The following CNNM1 variants were observed in gnomAD, a reference collection of about 807,000 sequenced individuals.
The protein encoded by CNNM1 is cyclin and CBS domain divalent metal cation transport mediator 1.
Under a neutral mutation model 78.8 loss-of-function variants are expected in CNNM1, and 44 were observed. The ratio of observed to expected loss-of-function variants is 0.56; its 90% CI spans 0.44 to 0.72. The LOEUF (loss-of-function observed/expected upper bound fraction) is 0.72, where lower values mean the gene tolerates loss of function less well. CNNM1 is among the 30% of genes least tolerant of loss of function. The probability of loss-of-function intolerance (pLI) is 0.00; values close to 1 mark genes in which losing one functional copy is unlikely to be tolerated. For missense variants in CNNM1, 1,101 were observed against 1,292.2 expected, an observed-to-expected ratio of 0.85 and a Z score of 2.27; for synonymous variants, 584 against 581.5, an observed-to-expected ratio of 1.00 and a Z score of -0.06.
At chr10:99,341,607 G>A (rs2030462277) in intron 1 of CNNM1, among the ~76,000 whole-genome samples, 10 of 152,118 alleles carry the variant, frequency 6.6e-5, no homozygotes, top group Admixed American at 6.6e-4. Flanking sequence ...CCTTAAAGAA[G>A]GAGAAGGACC....
Position 99,329,922 on chromosome 10 carries a change from G to A in CNNM1, c.535G>A (p.Gly179Ser). ...CGAAGCGGAGCGGGGCGGCGCGGGC[G>A]GTGGCGGGAAGCTCTTTTCACTCTG... is the stretch of plus-strand genomic sequence containing the variant. ...KGEAERGGAG[G>S]GGKLFSLCAW... The change falls in exon 1 of 11, where the codon GGT becomes AGT. Residue 179 changes from glycine to serine, a missense_variant. Physicochemically the swap from Gly to Ser is moderately conservative, Grantham distance 56. This residue lies in a region of CNNM1 where 476 missense variants were observed against 484.5 expected (regional missense o/e 0.98). Coordinates refer to ENST00000356713, the MANE Select transcript of CNNM1 (RefSeq NM_020348.3). 1 of 1,382,918 alleles carries A rather than the reference G, an allele frequency of 7.2e-7. No homozygotes were observed. Among genetic ancestry groups the A allele is most frequent in the Non-Finnish European group, 9.3e-7 (1 of 1,076,430 alleles). 85.7% of individuals were successfully genotyped at this position (1,382,918 alleles called of 1,614,324 possible). A position where few individuals can be genotyped will look rare whatever the true frequency, so the allele number is the denominator to read the frequency against.
rs547073655 is a variant in CNNM1, at chr10:99,372,752, A to G, written c.2177-4303A>G. On this transcript the variant is annotated intron_variant, in intron 6 of 10. Coordinates refer to ENST00000356713, the MANE Select transcript of CNNM1 (RefSeq NM_020348.3). ...CAAAATGCCAAGTCATCAGCATCCA[A>G]CCTACTAAGGAATGTCAGACTCCAG... Among the ~76,000 whole-genome samples, 12 of 152,130 alleles carry G rather than the reference A, an allele frequency of 7.9e-5. No individual in the cohort carries two copies. The East Asian group carries it at 2.3e-3, about 29-fold the overall frequency.
At chr10:99,374,222 G>A (rs554547822) in intron 6 of CNNM1, among the ~76,000 whole-genome samples, 18 of 152,266 alleles carry the variant, frequency 1.2e-4, no homozygotes, top group African/African-American at 4.3e-4. Context: ...TTACCTTGGT[G>A]CTTCATGTTG....
chr10:99,360,239 C>A (rs1388357435), intron 2 of CNNM1, among the ~76,000 whole-genome samples: 1 of 152,152 alleles, frequency 6.6e-6, no homozygotes, highest in Non-Finnish European at 1.5e-5. Flanking sequence ...GGTGGCCGCC[C>A]TCCTTCCTTG....
chr10:99,383,671 A>G (rs2032223020), intron 7 of CNNM1, among the ~76,000 whole-genome samples: 1 of 152,218 alleles, frequency 6.6e-6, no homozygotes, highest in South Asian at 2.1e-4. Flanking sequence ...TTAAACAGGT[A>G]TGGAAGGCAA....
At chr10:99,356,451 G>T (rs2031149744) in intron 1 of CNNM1, among the ~76,000 whole-genome samples, 1 of 150,410 alleles carries the variant, frequency 6.6e-6, no homozygotes, top group Non-Finnish European at 1.5e-5. Flanking sequence ...ACTCCAGCCT[G>T]GCGACAGAGA....
At position 99,382,892 on chromosome 10, in the gene CNNM1, G is replaced by C. The variant is rs78107293; in HGVS notation, c.2341-4928G>C. On this transcript the variant is annotated intron_variant, in intron 7 of 10. Coordinates refer to ENST00000356713, the MANE Select transcript of CNNM1 (RefSeq NM_020348.3). ...CTACTTTCAGAATAAACAGACCTCC[G>C]CTTCCTTTGTAGCTTAGTGGGTGAT... Among the ~76,000 whole-genome samples, 1,486 of 152,278 alleles carry C rather than the reference G, an allele frequency of 9.8e-3. 30 individuals are homozygous for C. The highest frequency in any genetic ancestry group is 0.034 in the African/African-American group (1,404 of 41,558).
Position 99,357,538 on chromosome 10 carries a change from C to G in CNNM1, c.1600C>G (p.Arg534Gly). 6.2e-7 allele frequency: 1 copy of G among 1,613,410 alleles called. No individual in the cohort carries two copies. The highest frequency in any genetic ancestry group is 8.5e-7 in the Non-Finnish European group (1 of 1,179,628). ...AAAATCTCACCTGGCCATTGTCCAG[C>G]GGGTGAATAATGAGGGAGAAGGGGA... Reference protein sequence around the residue: ...KGKSHLAIVQRVNNEGEGDPF... With the variant: ...KGKSHLAIVQGVNNEGEGDPF... The change falls in exon 2 of 11, where the codon CGG becomes GGG. Residue 534 changes from arginine to glycine, a missense_variant. Arg to Gly is a moderately radical substitution (Grantham distance 125). Around this residue, in one of 3 missense-constraint regions of CNNM1, gnomAD observed 277 missense variants for 423.2 expected, o/e 0.65. Coordinates refer to ENST00000356713, the MANE Select transcript of CNNM1 (RefSeq NM_020348.3).
chr10:99,352,741 A>G (rs1045608285), intron 1 of CNNM1, among the ~76,000 whole-genome samples: 10 of 151,424 alleles, frequency 6.6e-5, no homozygotes, highest in African/African-American at 2.2e-4. Flanking sequence ...ATTTCATTAT[A>G]TATTCTGGAT....
rs916896197 is a variant in CNNM1 at position 99,391,882 on chromosome 10, C to T, written c.*366C>T. ...TCCCCTGATGCCATAGGAGACCTAT[C>T]GTCTTGGAACTTGCCATTCTTTCCT... On this transcript the variant is annotated 3_prime_UTR_variant, in exon 11 of 11. Coordinates refer to ENST00000356713, the MANE Select transcript of CNNM1 (RefSeq NM_020348.3). The T allele has an allele frequency of 9.5e-5, 18 of 189,756 alleles. No homozygotes were observed. The highest frequency in any genetic ancestry group is 1.5e-4 in the Non-Finnish European group (14 of 91,128). The allele number at this position is 189,756 out of a possible 1,614,324, so 11.8% of individuals were successfully genotyped here.
intron 7 of CNNM1, among the ~76,000 whole-genome samples, chr10:99,378,000 G>C (rs1480643711): frequency 1.7e-5 from 2 of 120,272 alleles, no homozygotes; most frequent in Non-Finnish European, 3.2e-5. Flanking sequence ...ATCTCGCTCT[G>C]TTGCCCAGGC....
intron 7 of CNNM1, among the ~76,000 whole-genome samples, chr10:99,378,242 G>T (rs767768918): frequency 6.6e-6 from 1 of 152,158 alleles, no homozygotes; most frequent in Non-Finnish European, 1.5e-5. Flanking sequence ...GATTACAGGC[G>T]TGAGCCACCG....
In CNNM1 at chr10:99,356,522, GAGAA is replaced by G. The variant is rs1379845702; in HGVS notation, c.1574-974_1574-971del. Among the ~76,000 whole-genome samples the G allele has an allele frequency of 2.0e-3, 250 of 127,380 alleles. 3 individuals are homozygous for G. The highest frequency in any genetic ancestry group is 4.1e-3 in the South Asian group (16 of 3,928). 83.6% of individuals were successfully genotyped at this position (127,380 alleles called of 152,430 possible). On this transcript the variant is annotated intron_variant, in intron 1 of 10. Transcript: ENST00000356713. ...AGAGAGAGAGAGAGAAAGAGAAAGA[GAGAA>G]AGAAAGAAAGAAAGACAGACAGACA...
chr10:99,362,162 C>T (rs1295582570), intron 3 of CNNM1, 65 bp from the exon 4 acceptor site: 3 of 1,442,092 alleles, frequency 2.1e-6, no homozygotes, highest in Non-Finnish European at 2.8e-6. Flanking sequence ...CTCCCAGCTG[C>T]CACTGCTGGA....
rs1297539810 is a variant in CNNM1, at chr10:99,330,528, G to A, written c.1141G>A (p.Asp381Asn). ...GTGCTACCCGCTGGGCCGCCTGCTG[G>A]ACTGGGCGCTGCGCCAGGAGATAAG... ...PVCYPLGRLL[D>N]WALRQEISTF... Residue 381 changes from aspartate (D) to asparagine (N), a missense_variant, in exon 1 of 11, where the codon GAC (aspartate) becomes AAC (asparagine). Asp to Asn is a conservative substitution (Grantham distance 23). Transcript: ENST00000356713. 4 of 1,591,750 alleles carry A rather than the reference G, an allele frequency of 2.5e-6. No individual in the cohort carries two copies. Among genetic ancestry groups the A allele is most frequent in the Non-Finnish European group, 2.6e-6 (3 of 1,169,568 alleles).
intron 7 of CNNM1, among the ~76,000 whole-genome samples, chr10:99,383,359 C>T (rs939387888): frequency 6.6e-6 from 1 of 152,106 alleles, no homozygotes; most frequent in African/African-American, 2.4e-5. Flanking sequence ...CTGCAACCTC[C>T]GCCTCCTGAG....
chr10:99,361,094 C>T (rs1312059428), intron 3 of CNNM1, 119 bp downstream of exon 3: 2 of 1,157,620 alleles, frequency 1.7e-6, no homozygotes, highest in East Asian at 5.3e-5. Context: ...CTGAGAAGCA[C>T]TGTTCTAGGA....
At chr10:99,381,095 T>C (rs1019572528) in intron 7 of CNNM1, among the ~76,000 whole-genome samples, 7 of 152,056 alleles carry the variant, frequency 4.6e-5, no homozygotes, top group Admixed American at 4.6e-4. Context: ...GTAGAGAAGT[T>C]GAGAAGAAGG....
At chr10:99,368,704 G>A in intron 6 of CNNM1, 1 of 1,287,964 alleles carries the variant, frequency 7.8e-7, no homozygotes. Context: ...GGTGTCTCGG[G>A]TCTCTGTAGA....
Sources: allele counts gnomAD v4.1 joint callset (sites outside exome capture counted in the v4.1 genomes callset), GRCh38; gene constraint gnomAD v4.1.1; regional missense constraint gnomAD v4.1.1; transcripts MANE v1.5; gene names NCBI Gene and HGNC (gene_info 2026-07-23, HGNC 2026-07-21).